The following ADGRE5 variants were observed in gnomAD, a reference collection of about 807,000 sequenced individuals.
ADGRE5 encodes the protein adhesion G protein-coupled receptor E5.
ADGRE5 carries 72 observed loss-of-function variants against 100.3 expected under a neutral mutation model. That is an observed-to-expected ratio of 0.72 (90% CI 0.59 to 0.87). ADGRE5 has a LOEUF of 0.87. ADGRE5 is among the 40% of genes least tolerant of loss of function. The pLI, the probability that ADGRE5 is intolerant of heterozygous loss-of-function variation, is 0.00. For synonymous variants in ADGRE5, 439 were observed against 447.8 expected (o/e 0.98, Z 0.25); for missense variants, 959 against 1,094.7 (o/e 0.88, Z 1.75).
Position 14,408,353 on chromosome 19 carries a change from G to C in ADGRE5, c.*232G>C. On this transcript the variant is annotated 3_prime_UTR_variant, in exon 20 of 20. Transcript: ENST00000242786. ...GCTGGCTGCCTCTCTGCTCCACCTT[G>C]TGACCCAGGGTGGGGACAGGGGCTG... The C allele has an allele frequency of 1.6e-6, 1 of 620,062 alleles. No homozygotes were observed. The highest frequency in any genetic ancestry group is 1.8e-5 in the South Asian group (1 of 54,342). 38.4% of individuals were successfully genotyped at this position (620,062 alleles called of 1,614,324 possible). A position where few individuals can be genotyped will look rare whatever the true frequency, so the allele number is the denominator to read the frequency against.
intron 3 of ADGRE5, among the ~76,000 whole-genome samples, chr19:14,390,327 C>CTT (rs1194246206): frequency 2.4e-4 from 33 of 137,826 alleles, no homozygotes; most frequent in African/African-American, 8.1e-4. Context: ...TTTTTTTTTC[C>CTT]TTTTTTTTTT....
In ADGRE5 at chr19:14,388,775, C is replaced by A; in HGVS notation, c.147C>A (p.Ser49Arg). Residue 49 changes from serine (S) to arginine (R), a missense_variant, in exon 3 of 20, where the codon AGC becomes AGA. Physicochemically the swap from Ser to Arg is moderately radical, Grantham distance 110. This residue lies in a region of ADGRE5 where 114 missense variants were observed against 195.7 expected (regional missense o/e 0.58). Coordinates refer to ENST00000242786, the MANE Select transcript of ADGRE5 (RefSeq NM_078481.4). ...CCTGTCGCTGCAATCCAGGGTTCAG[C>A]TCTTTTTCTGAGATCATCACCACCC... is the stretch of plus-strand genomic sequence containing the variant. ...ATACRCNPGF[S>R]SFSEIITTPT... 1.2e-6 allele frequency: 2 copies of A among 1,613,942 alleles called. No individual in the cohort carries two copies. Among genetic ancestry groups the A allele is most frequent in the Middle Eastern group, 1.6e-4 (1 of 6,062 alleles).
rs1401372051 is a variant in ADGRE5 at position 14,401,532 on chromosome 19, C to T, written c.1044C>T (p.Gly348=). The T allele has an allele frequency of 6.2e-7, 1 of 1,614,156 alleles. No homozygotes were observed. The highest frequency in any genetic ancestry group is 2.2e-5 in the East Asian group (1 of 44,878). The change falls in exon 10 of 20, where the codon GGC becomes GGT. Residue 348 remains glycine, a synonymous_variant. Transcript: ENST00000242786. The surrounding 1 kb of genome is among the most constrained non-coding windows in gnomAD (Gnocchi z 4.1). The part of the protein sequence containing the change: ...MRILAKSLPK[G]PFTYISPSNT... ...TCCTGGCCAAGAGCCTGCCTAAAGG[C>T]CCCTTCACCTACATTTCCCCTTCGA...
In ADGRE5 at chr19:14,406,227, G is replaced by A; in HGVS notation, c.1822-104G>A. ...CCGCTCCAGACCCGCCCACCCTCCG[G>A]CTGTGGTCCCGCCCACTCTCGGGAC... is the stretch of plus-strand genomic sequence containing the variant. On this transcript the variant is annotated intron_variant, in intron 14 of 19. Coordinates refer to ENST00000242786, the MANE Select transcript of ADGRE5 (RefSeq NM_078481.4). The surrounding 1 kb of genome is among the most constrained non-coding windows in gnomAD (Gnocchi z 6.0). The A allele has an allele frequency of 1.1e-6, 1 of 932,712 alleles. No homozygotes were observed. The highest frequency in any genetic ancestry group is 1.6e-6 in the Non-Finnish European group (1 of 634,814). The allele number at this position is 932,712 out of a possible 1,614,324, so 57.8% of individuals were successfully genotyped here.
chr19:14,402,591 C>T lies in ADGRE5; in HGVS notation c.1184-6C>T, dbSNP rs772102515. ...GGAGTAGGCAGCGAGTGTGTCTGTT[C>T]CCCAGGCCCCGCCGTGGCGGGCATC... On this transcript the variant is annotated splice_polypyrimidine_tract_variant and splice_region_variant and intron_variant, in intron 11 of 19. Coordinates refer to ENST00000242786, the MANE Select transcript of ADGRE5 (RefSeq NM_078481.4). The T allele has an allele frequency of 6.2e-7, 1 of 1,613,814 alleles. No individual in the cohort carries two copies. The highest frequency in any genetic ancestry group is 2.2e-5 in the East Asian group (1 of 44,880).
intron 18 of ADGRE5, 59 bp downstream of exon 18, chr19:14,407,288 A>C: frequency 6.3e-7 from 1 of 1,586,360 alleles, no homozygotes; most frequent in Non-Finnish European, 8.6e-7. Flanking sequence ...TGGGAGGCTG[A>C]GGTGGGAGGA....
chr19:14,401,771 T>C lies in ADGRE5; in HGVS notation c.1183+11T>C, dbSNP rs796816912. On this transcript the variant is annotated intron_variant, in intron 11 of 19. Transcript: ENST00000242786. The surrounding 1 kb of genome is among the most constrained non-coding windows in gnomAD (Gnocchi z 4.1). ...GAGCCGAGGATCCAGGTAGCAGCGGTGGTCTGGAGGGGGAGCCCGTGGGAG... is the reference window on the plus strand; with the variant it reads ...GAGCCGAGGATCCAGGTAGCAGCGGCGGTCTGGAGGGGGAGCCCGTGGGAG... The C allele has an allele frequency of 9.2e-6, 14 of 1,527,428 alleles. 1 individual carries two copies. In the African/African-American group the frequency reaches 1.8e-4, roughly 20 times the overall value. The allele number at this position is 1,527,428 out of a possible 1,614,324, so 94.6% of individuals were successfully genotyped here. A position where few individuals can be genotyped will look rare whatever the true frequency, so the allele number is the denominator to read the frequency against.
chr19:14,403,106 G>A (rs1232737579), intron 12 of ADGRE5, among the ~76,000 whole-genome samples: 3 of 151,950 alleles, frequency 2.0e-5, no homozygotes, highest in South Asian at 2.1e-4. Flanking sequence ...GCAGTGGCAC[G>A]TTCTCGGCTC....
chr19:14,407,647 A>G (rs564396995), intron 18 of ADGRE5, among the ~76,000 whole-genome samples: 1 of 151,512 alleles, frequency 6.6e-6, no homozygotes, highest in Non-Finnish European at 1.5e-5. Flanking sequence ...CCAAAAAAAA[A>G]AAAAAAAGCC....
chr19:14,387,533 A>G (rs539653082), intron 1 of ADGRE5, among the ~76,000 whole-genome samples: 2 of 151,814 alleles, frequency 1.3e-5, no homozygotes, highest in South Asian at 2.1e-4. Context: ...TCGAGACCAT[A>G]CTGGCTAACA....
At chr19:14,396,204 A>G (rs759955782) in intron 4 of ADGRE5, 138 bp from the exon 5 acceptor site, 1 of 1,512,506 alleles carries the variant, frequency 6.6e-7, no homozygotes. Flanking sequence ...TCACCATAGG[A>G]TGCCTCTGTG....
rs1323099008 is a variant in ADGRE5 at position 14,406,460 on chromosome 19, A to G, written c.1951A>G (p.Ser651Gly). The G allele has an allele frequency of 6.4e-7, 1 of 1,571,990 alleles. No homozygotes were observed. Among genetic ancestry groups the G allele is most frequent in the African/African-American group, 1.4e-5 (1 of 73,904 alleles). ...GCGCGTGTTCCAAGGCCAGGGCCTG[A>G]GTACGCGCTGGCTCTGCCTGATCGG... is the stretch of plus-strand genomic sequence containing the variant. ...VVRVFQGQGL[S>G]TRWLCLIGYG... The change falls in exon 15 of 20, where the codon AGT (serine) becomes GGT (glycine). Residue 651 changes from serine to glycine, a missense_variant. This residue lies in a region of ADGRE5 where 428 missense variants were observed against 386.2 expected (regional missense o/e 1.11). Coordinates refer to ENST00000242786, the MANE Select transcript of ADGRE5 (RefSeq NM_078481.4). The surrounding 1 kb of genome is among the most constrained non-coding windows in gnomAD (Gnocchi z 6.0).
intron 13 of ADGRE5, 88 bp downstream of exon 13, chr19:14,404,650 C>A (rs1233605236): frequency 1.5e-6 from 2 of 1,325,544 alleles, no homozygotes; most frequent in African/African-American, 2.9e-5. Context: ...TGGAGCCCTA[C>A]TGGTTGCTCA....
At chr19:14,383,841 A>G (rs1975243233) in intron 1 of ADGRE5, among the ~76,000 whole-genome samples, 1 of 151,872 alleles carries the variant, frequency 6.6e-6, no homozygotes, top group African/African-American at 2.4e-5. Context: ...GGCACAAAGG[A>G]ACCCTGCCCA....
intron 4 of ADGRE5, among the ~76,000 whole-genome samples, chr19:14,396,007 C>T (rs1016977298): frequency 2.6e-5 from 4 of 152,352 alleles, no homozygotes; most frequent in South Asian, 2.1e-4. Flanking sequence ...CCTGCCCAGG[C>T]GCACGGCATG....
intron 9 of ADGRE5, among the ~76,000 whole-genome samples, chr19:14,399,373 G>T (rs1289727876): frequency 6.6e-6 from 1 of 150,624 alleles, no homozygotes; most frequent in Non-Finnish European, 1.5e-5. Flanking sequence ...GACCAGCCTG[G>T]CCAACATGGC....
intron 9 of ADGRE5, among the ~76,000 whole-genome samples, chr19:14,399,320 T>G (rs111405918): frequency 0.016 from 2,436 of 151,236 alleles, 64 homozygotes; most frequent in African/African-American, 0.054. Flanking sequence ...CCCAGCACTT[T>G]GGGAGGCTGA....
Position 14,404,421 on chromosome 19 carries a change from C to A in ADGRE5, c.1488C>A (p.Ala496=), listed in dbSNP as rs375130099. The change falls in exon 13 of 20, where the codon GCC becomes GCA. Residue 496 remains alanine, a synonymous_variant. Coordinates refer to ENST00000242786, the MANE Select transcript of ADGRE5 (RefSeq NM_078481.4). ...MPGPRQELLC[A]FWKSDSDRGG... ...GGCCACGGCAGGAGCTGCTCTGTGCCTTCTGGAAGAGTGACAGCGACAGGG... is the reference window on the plus strand; with the variant it reads ...GGCCACGGCAGGAGCTGCTCTGTGCATTCTGGAAGAGTGACAGCGACAGGG... The A allele has an allele frequency of 4.6e-5, 74 of 1,611,828 alleles. No homozygotes were observed. The highest frequency in any genetic ancestry group is 1.3e-4 in the Admixed American group (8 of 59,934).
intron 1 of ADGRE5, 131 bp from the exon 2 acceptor site, chr19:14,388,319 C>T: frequency 6.7e-7 from 1 of 1,497,588 alleles, no homozygotes; most frequent in Non-Finnish European, 9.0e-7. Context: ...ATGACATCTG[C>T]TCACTCTGAA....
Sources: allele counts gnomAD v4.1 joint callset (sites outside exome capture counted in the v4.1 genomes callset), GRCh38; gene constraint gnomAD v4.1.1; regional missense constraint gnomAD v4.1.1; non-coding constraint Gnocchi (gnomAD v3.1); transcripts MANE v1.5; gene names NCBI Gene and HGNC (gene_info 2026-07-23, HGNC 2026-07-21).